Variants in LRPPRC observed in about 807,000 individuals in gnomAD.
LRPPRC encodes leucine-rich PPR motif-containing protein, mitochondrial.
A neutral mutation model predicts 180.3 loss-of-function variants in LRPPRC; 120 were observed. The observed-to-expected ratio is 0.67, with a 90% CI of 0.57 to 0.77. The LOEUF (loss-of-function observed/expected upper bound fraction) is 0.77. Among genes scored for constraint, LRPPRC ranks in the 30% least tolerant of loss-of-function variants. The pLI is 0.00. For missense variants in LRPPRC, 2,012 were observed against 1,657.2 expected, an observed-to-expected ratio of 1.21 and a Z score of -3.72; for synonymous variants, 723 against 600.0, an observed-to-expected ratio of 1.21 and a Z score of -3.00.
At chr2:43,915,232 T>TCTCTCTCTCTCTCTCTCC (rs1174216406) in intron 29 of LRPPRC, among the ~76,000 whole-genome samples, 1 of 51,836 alleles carries the variant, frequency 1.9e-5, no homozygotes, top group Non-Finnish European at 3.5e-5. Context: ...TCTCTCTCTC[T>TCTCTCTCTCTCTCTCTCC]CACACACACA....
At position 43,947,729 on chromosome 2, in the gene LRPPRC, A is replaced by G; in HGVS notation, c.1965+2T>C. 6.5e-7 allele frequency: 1 copy of G among 1,546,050 alleles called. No individual in the cohort carries two copies. The highest frequency in any genetic ancestry group is 8.9e-7 in the Non-Finnish European group (1 of 1,118,470). On this transcript the variant is annotated splice_donor_variant, in intron 19 of 37. Coordinates refer to ENST00000260665, the MANE Select transcript of LRPPRC (RefSeq NM_133259.4). LOFTEE classifies it high-confidence loss of function. ...GTAGAATCTAGTCAAAATCCTACTT[A>G]CTTTTTGAAAGTCTAAATTCTTACT... is the stretch of plus-strand genomic sequence containing the variant.
chr2:43,893,353 C>T (rs1354308706), intron 36 of LRPPRC, among the ~76,000 whole-genome samples: 3 of 152,134 alleles, frequency 2.0e-5, no homozygotes, highest in Non-Finnish European at 4.4e-5. Context: ...CAAACAACAT[C>T]GCATACTACA....
At chr2:43,971,675 T>C (rs1485251313) in intron 11 of LRPPRC, among the ~76,000 whole-genome samples, 3 of 152,006 alleles carry the variant, frequency 2.0e-5, no homozygotes, top group Admixed American at 6.6e-5. Context: ...TGCAGTCACT[T>C]TCTTCTGTGA....
At chr2:43,974,052 G>A in intron 9 of LRPPRC, 98 bp downstream of exon 9, 1 of 1,313,416 alleles carries the variant, frequency 7.6e-7, no homozygotes. Flanking sequence ...TTGTTATGAT[G>A]TTTACAACTG....
intron 21 of LRPPRC, 91 bp downstream of exon 21, chr2:43,946,022 T>A (rs992971133): frequency 1.4e-5 from 19 of 1,314,536 alleles, no homozygotes; most frequent in Non-Finnish European, 2.0e-5. Context: ...AATGACATTA[T>A]ATAAGAGAGT....
chr2:43,917,260 C>G (rs1671506817), intron 29 of LRPPRC, among the ~76,000 whole-genome samples: 1 of 151,796 alleles, frequency 6.6e-6, no homozygotes, highest in Admixed American at 6.6e-5. Context: ...AGGATGGTCT[C>G]CATCTCTTGA....
chr2:43,960,661 A>G (rs777076222), intron 12 of LRPPRC, 27 bp from the exon 13 acceptor site: 1 of 1,022,472 alleles, frequency 9.8e-7, no homozygotes, highest in South Asian at 1.3e-5. Flanking sequence ...TATCAATGAG[A>G]ATACATCTCA....
chr2:43,913,656 G>T (rs901107284), intron 29 of LRPPRC, among the ~76,000 whole-genome samples: 1 of 152,132 alleles, frequency 6.6e-6, no homozygotes, highest in Admixed American at 6.5e-5. Context: ...ATCTTAAGGA[G>T]AACAGTTTGG....
rs140134529 is a variant in LRPPRC at position 43,931,669 on chromosome 2, C to T, written c.2736+2521G>A. 8.5e-5 allele frequency among the ~76,000 whole-genome samples: 13 copies of T among 152,226 alleles called. No individual in the cohort carries two copies. The East Asian group carries it at 2.3e-3, about 27-fold the overall frequency. Reference sequence around the variant, plus strand: ...ACACTTTACTCAGTCATCTCAAATGCTATGTAAATGACGGAGAGAGACCTG... The same window carrying T: ...ACACTTTACTCAGTCATCTCAAATGTTATGTAAATGACGGAGAGAGACCTG... On this transcript the variant is annotated intron_variant, in intron 25 of 37. Coordinates refer to ENST00000260665, the MANE Select transcript of LRPPRC (RefSeq NM_133259.4).
At position 43,994,773 on chromosome 2, in the gene LRPPRC, C is replaced by T. The variant is rs551443237; in HGVS notation, c.149+1026G>A. Among the ~76,000 whole-genome samples, 12 of 152,298 alleles carry T rather than the reference C, an allele frequency of 7.9e-5. No individual in the cohort carries two copies. In the South Asian group the frequency reaches 2.3e-3, roughly 29 times the overall value. ...AGAATACTATTAATAACCAAATGAA[C>T]ACTTTCACCAACTTTTCTTTTCCCC... On this transcript the variant is annotated intron_variant, in intron 1 of 37. Transcript: ENST00000260665.
chr2:43,928,061 C>A (rs1671952931), intron 25 of LRPPRC, among the ~76,000 whole-genome samples: 1 of 152,170 alleles, frequency 6.6e-6, no homozygotes, highest in South Asian at 2.1e-4. Context: ...ATATTTAGTT[C>A]TTTCTGTGTT....
intron 30 of LRPPRC, among the ~76,000 whole-genome samples, chr2:43,912,206 A>C (rs1671286726): frequency 6.6e-6 from 1 of 152,238 alleles, no homozygotes. Context: ...GATGGAATAT[A>C]ACTTAGTAAG....
chr2:43,950,721 G>T, intron 14 of LRPPRC, 121 bp from the exon 15 acceptor site: 1 of 762,192 alleles, frequency 1.3e-6, no homozygotes, highest in Non-Finnish European at 2.3e-6. Context: ...TGCTGTATCA[G>T]GATGAATTTT....
chr2:43,974,406 A>C, intron 8 of LRPPRC, 111 bp from the exon 9 acceptor site: 1 of 873,688 alleles, frequency 1.1e-6, no homozygotes, highest in Non-Finnish European at 1.9e-6. Context: ...TCAAAAGCAT[A>C]TAACTGCCTA....
chr2:43,912,057 T>A (rs146846402), intron 30 of LRPPRC, among the ~76,000 whole-genome samples: 3 of 152,272 alleles, frequency 2.0e-5, no homozygotes, highest in Non-Finnish European at 4.4e-5. Context: ...ATTCAAATCT[T>A]GGTCTAAGTT....
At chr2:43,927,320 G>C (rs1671914061) in intron 25 of LRPPRC, among the ~76,000 whole-genome samples, 1 of 152,104 alleles carries the variant, frequency 6.6e-6, no homozygotes, top group Non-Finnish European at 1.5e-5. Flanking sequence ...GTTAAATTAA[G>C]AACTGAAGTG....
At chr2:43,964,344 G>A (rs1226117171) in intron 11 of LRPPRC, among the ~76,000 whole-genome samples, 1 of 152,100 alleles carries the variant, frequency 6.6e-6, no homozygotes, top group Admixed American at 6.6e-5. Flanking sequence ...CAGAGCTACA[G>A]TGAGTTTCAA....
In LRPPRC at chr2:43,974,764, G is replaced by C. The variant is rs201523130; in HGVS notation, c.865-6C>G. 18 of 1,612,586 alleles carry C rather than the reference G, an allele frequency of 1.1e-5. No homozygotes were observed. Among genetic ancestry groups the C allele is most frequent in the Non-Finnish European group, 1.5e-5 (18 of 1,178,804 alleles). On this transcript the variant is annotated splice_region_variant and splice_polypyrimidine_tract_variant and intron_variant, in intron 7 of 37. Coordinates refer to ENST00000260665, the MANE Select transcript of LRPPRC (RefSeq NM_133259.4). ...TTCTCCACCTTCTCCAGAGTCTATA[G>C]AGAGTTCCAGAAATTAGAAGACAAA...
At chr2:43,925,015 C>T in intron 27 of LRPPRC, 52 bp downstream of exon 27, 2 of 1,046,882 alleles carry the variant, frequency 1.9e-6, no homozygotes, top group East Asian at 4.7e-5. Flanking sequence ...CCTTTCCTGC[C>T]ACTGCCTTCA....
Sources: gnomAD v4.1 joint callset for allele counts (sites outside exome capture counted in the v4.1 genomes callset) on GRCh38, gnomAD v4.1.1 for gene constraint, MANE v1.5 for transcripts, NCBI Gene and HGNC (gene_info 2026-07-23, HGNC 2026-07-21) for gene names.